Variants in SLC25A48 observed in about 807,000 individuals in gnomAD.
SLC25A48 encodes solute carrier family 25 member 48.
A neutral mutation model predicts 32.2 loss-of-function variants in SLC25A48; 29 were observed. That is an observed-to-expected ratio of 0.90 (90% confidence interval 0.67 to 1.23). SLC25A48 has a LOEUF of 1.23. SLC25A48 is among the 50% of genes most tolerant of loss of function. SLC25A48 has a pLI of 0.00. For missense variants in SLC25A48, 399 were observed against 422.7 expected, an observed-to-expected ratio of 0.94 and a Z score of 0.49; for synonymous variants, 164 against 172.3, an observed-to-expected ratio of 0.95 and a Z score of 0.38.
chr5:135,818,054 C>CTCTCTCTCTCTCTCTCTCT (rs1757773517), intron 4 of SLC25A48, among the ~76,000 whole-genome samples: 2 of 80,646 alleles, frequency 2.5e-5, no homozygotes, highest in African/African-American at 1.0e-4. Flanking sequence ...TCTCTCTGTT[C>CTCTCTCTCTCTCTCTCTCT]CTCTCTCTCT....
intron 3 of SLC25A48, among the ~76,000 whole-genome samples, chr5:135,706,193 G>A (rs920673998): frequency 1.3e-5 from 2 of 152,168 alleles, no homozygotes; most frequent in African/African-American, 4.8e-5. Context: ...GGCCTGACTG[G>A]GCTGGGCAGC....
rs115083835 is a variant in SLC25A48 at position 135,717,730 on chromosome 5, G to A, written c.-521+82774G>A. ...ATCAGAAGTGGGATGAGAAAAGGGA[G>A]GGCTCTTCCCAAGACCTTGAGAGGG... On this transcript the variant is annotated intron_variant, in intron 3 of 10. Transcript: ENST00000646290. 5.1e-3 allele frequency among the ~76,000 whole-genome samples: 771 copies of A among 152,198 alleles called. 5 individuals are homozygous for A. The highest frequency in any genetic ancestry group is 0.018 in the African/African-American group (731 of 41,538).
intron 2 of SLC25A48, among the ~76,000 whole-genome samples, chr5:135,848,533 C>T (rs73791605): frequency 0.051 from 7,699 of 152,256 alleles, 428 homozygotes; most frequent in African/African-American, 0.14. Flanking sequence ...TTACCTTTTC[C>T]TTCTTATCAC....
chr5:135,702,111 T>C (rs1056607092), intron 3 of SLC25A48, among the ~76,000 whole-genome samples: 2 of 152,360 alleles, frequency 1.3e-5, no homozygotes, highest in African/African-American at 4.8e-5. Flanking sequence ...AGTCTATACA[T>C]TGAGCCACCT....
At position 135,749,869 on chromosome 5, in the gene SLC25A48, G is replaced by C. The variant is rs563097151; in HGVS notation, c.-520-62654G>C. Among the ~76,000 whole-genome samples the C allele has an allele frequency of 2.6e-5, 4 of 152,268 alleles. No individual in the cohort carries two copies. The East Asian group carries it at 7.7e-4, about 29-fold the overall frequency. ...GGAATCCCAAAGTGCTGGGATTACA[G>C]GTGTGAGCCACCTCGCCGGCCAGGA... On this transcript the variant is annotated intron_variant, in intron 3 of 10. Coordinates refer to the SLC25A48 transcript ENST00000646290.
At chr5:135,589,696 A>T (rs528350115) in intron 1 of SLC25A48, among the ~76,000 whole-genome samples, 1 of 129,860 alleles carries the variant, frequency 7.7e-6, no homozygotes, top group African/African-American at 2.8e-5. Flanking sequence ...TAATGTATTC[A>T]TTTATTTATT....
intron 3 of SLC25A48, among the ~76,000 whole-genome samples, chr5:135,675,145 G>T (rs59837450): frequency 0.036 from 5,484 of 151,978 alleles, 351 homozygotes; most frequent in African/African-American, 0.12. Context: ...GTTGTTCATT[G>T]TATGTCTTCT....
At chr5:135,869,740 T>G (rs919185391) in intron 4 of SLC25A48, among the ~76,000 whole-genome samples, 1 of 152,192 alleles carries the variant, frequency 6.6e-6, no homozygotes, top group Admixed American at 6.5e-5. Context: ...TAGTGATCTC[T>G]CAGTGGGCTT....
chr5:135,740,310 C>T (rs1170393242), intron 3 of SLC25A48, among the ~76,000 whole-genome samples: 1 of 152,090 alleles, frequency 6.6e-6, no homozygotes, highest in African/African-American at 2.4e-5. Context: ...TCTCATGCCT[C>T]AGCCTCCCAA....
chr5:135,650,862 AT>A (rs796102419), intron 3 of SLC25A48, among the ~76,000 whole-genome samples: 6 of 152,204 alleles, frequency 3.9e-5, no homozygotes, highest in Admixed American at 1.3e-4. Context: ...CTTTAGGCCT[AT>A]TTATTGATCA....
chr5:135,860,924 C>T (rs1760726591), intron 4 of SLC25A48, among the ~76,000 whole-genome samples: 1 of 152,156 alleles, frequency 6.6e-6, no homozygotes, highest in Admixed American at 6.5e-5. Context: ...CTGGGGGCCA[C>T]ATTGAGGTGA....
chr5:135,602,661 C>T lies in SLC25A48; in HGVS notation c.-849+23064C>T, dbSNP rs546698220. On this transcript the variant is annotated intron_variant, in intron 1 of 10. Coordinates refer to the SLC25A48 transcript ENST00000646290. ...TAAGTTTTAGGGTACATGTGCACAA[C>T]GTGCAGGTTTGTTACATATGTATAC... is the stretch of plus-strand genomic sequence containing the variant. 2.4e-4 allele frequency among the ~76,000 whole-genome samples: 35 copies of T among 148,564 alleles called. 1 individual carries two copies. The highest frequency in any genetic ancestry group is 8.3e-4 in the African/African-American group (33 of 39,966).
At chr5:135,595,528 C>T (rs548396151) in intron 1 of SLC25A48, among the ~76,000 whole-genome samples, 2 of 152,290 alleles carry the variant, frequency 1.3e-5, no homozygotes, top group African/African-American at 4.8e-5. Flanking sequence ...GTGTCTGTCA[C>T]CTTGAAAACT....
At chr5:135,582,799 A>G (rs913210948) in intron 1 of SLC25A48, among the ~76,000 whole-genome samples, 1 of 152,074 alleles carries the variant, frequency 6.6e-6, no homozygotes, top group Non-Finnish European at 1.5e-5. Context: ...GCTCCTCCCC[A>G]GGGGCTGACA....
At chr5:135,593,271 A>G (rs1333161334) in intron 1 of SLC25A48, among the ~76,000 whole-genome samples, 1 of 152,088 alleles carries the variant, frequency 6.6e-6, no homozygotes. Flanking sequence ...TGGAATCTGT[A>G]GGGCTATGTG....
At chr5:135,660,609 T>C (rs1753373583) in intron 3 of SLC25A48, among the ~76,000 whole-genome samples, 1 of 152,198 alleles carries the variant, frequency 6.6e-6, no homozygotes, top group Non-Finnish European at 1.5e-5. Flanking sequence ...TAAGACAAGT[T>C]ACCTGACTTC....
intron 4 of SLC25A48, among the ~76,000 whole-genome samples, chr5:135,869,179 GT>G (rs1429376596): frequency 6.6e-6 from 1 of 151,940 alleles, no homozygotes; most frequent in African/African-American, 2.4e-5. Context: ...CAAATAAAAA[GT>G]TTTTTCAAAA....
Position 135,746,099 on chromosome 5 carries a change from T to A in SLC25A48, c.-520-66424T>A, listed in dbSNP as rs571258296. Among the ~76,000 whole-genome samples, 130 of 152,308 alleles carry A rather than the reference T, an allele frequency of 8.5e-4. No individual in the cohort carries two copies. In the South Asian group the frequency reaches 9.9e-3, roughly 12 times the overall value. ...CCGCCCTCACGCTGCCTACTTTTCA[T>A]GCTCAGCGCCCTCTAGGCCCCACTC... On this transcript the variant is annotated intron_variant, in intron 3 of 10. Coordinates refer to the SLC25A48 transcript ENST00000646290.
At chr5:135,846,867 A>ATGTT (rs1358467381) in intron 2 of SLC25A48, among the ~76,000 whole-genome samples, 1 of 152,216 alleles carries the variant, frequency 6.6e-6, no homozygotes, top group Non-Finnish European at 1.5e-5. Flanking sequence ...ATATAACCTC[A>ATGTT]TGTTAAATAG....
Sources: allele counts gnomAD v4.1 joint callset (sites outside exome capture counted in the v4.1 genomes callset), GRCh38; gene constraint gnomAD v4.1.1; transcripts MANE v1.5; gene names NCBI Gene and HGNC (gene_info 2026-07-23, HGNC 2026-07-21).